RPGRIP1: variants seen among roughly 807,000 people sequenced by gnomAD.
RPGRIP1 encodes the protein RPGR interacting protein 1, also known as X-linked retinitis pigmentosa GTPase regulator-interacting protein 1.
In RPGRIP1, 128 loss-of-function variants were observed where a neutral mutation model predicts 157.9. That is an observed-to-expected ratio of 0.81 (90% CI 0.70 to 0.94). RPGRIP1 has a LOEUF of 0.94. Ranked by LOEUF, RPGRIP1 falls within the 40% of genes least tolerant of loss-of-function variation. The pLI is 0.00. For synonymous variants in RPGRIP1, 554 were observed against 571.6 expected (o/e 0.97, Z 0.44); for missense variants, 1,486 against 1,545.8 (o/e 0.96, Z 0.65).
chr14:21,315,229 T>C (rs2139181014), intron 10 of RPGRIP1, among the ~76,000 whole-genome samples: 2 of 151,896 alleles, frequency 1.3e-5, no homozygotes, highest in African/African-American at 4.8e-5. Context: ...AGTGCCAGGC[T>C]GTGCGCGGTG....
Position 21,300,817 on chromosome 14 carries a change from G to GA in RPGRIP1, c.219-148dup, listed in dbSNP as rs571149766. The GA allele has an allele frequency of 4.1e-3, 3,612 of 887,190 alleles. 13 individuals carry two copies. Among genetic ancestry groups the GA allele is most frequent in the Non-Finnish European group, 5.5e-3 (3,230 of 592,602 alleles). The allele number at this position is 887,190 out of a possible 1,614,324, so 55.0% of individuals were successfully genotyped here. ...CCTCAAAGAGTTACAGTGTACTGGG[G>GA]ACAGAAGGCTAATCTTTTTAAAGTG... On this transcript the variant is annotated intron_variant, in intron 3 of 24. Coordinates refer to ENST00000400017, the MANE Select transcript of RPGRIP1 (RefSeq NM_020366.4).
At position 21,335,046 on chromosome 14, in the gene RPGRIP1, C is replaced by CAAA. The variant is rs869065591; in HGVS notation, c.3339+364_3339+366dup. Among the ~76,000 whole-genome samples, 100 of 27,944 alleles carry CAAA rather than the reference C, an allele frequency of 3.6e-3. 2 individuals are homozygous for CAAA. Among genetic ancestry groups the CAAA allele is most frequent in the African/African-American group, 0.01 (81 of 7,908 alleles). The allele number at this position is 27,944 out of a possible 152,430, so 18.3% of individuals were successfully genotyped here. ...GGGCAACAAGAGCAAAACTCTGTCT[C>CAAA]AAAAAAAAAAAAAAAAAAAAAAAAA... On this transcript the variant is annotated intron_variant, in intron 21 of 24. Transcript: ENST00000400017.
At chr14:21,288,221 C>T (rs1479834712) in intron 2 of RPGRIP1, among the ~76,000 whole-genome samples, 160 bp downstream of exon 2, 1 of 148,470 alleles carries the variant, frequency 6.7e-6, no homozygotes, top group African/African-American at 2.5e-5. Flanking sequence ...CGCTCTGTCA[C>T]CCAGGCTGGA....
At chr14:21,282,437 T>C (rs1301510598) in intron 1 of RPGRIP1, among the ~76,000 whole-genome samples, 1 of 151,590 alleles carries the variant, frequency 6.6e-6, no homozygotes, top group African/African-American at 2.4e-5. Flanking sequence ...GGGGTTTCAC[T>C]ATGTTGACCA....
Position 21,311,905 on chromosome 14 carries a change from A to G in RPGRIP1, c.1012A>G (p.Lys338Glu), listed in dbSNP as rs766519169. The G allele has an allele frequency of 3.0e-5, 48 of 1,613,078 alleles. No individual in the cohort carries two copies. The highest frequency in any genetic ancestry group is 3.8e-5 in the Non-Finnish European group (45 of 1,179,596). ...CAGGGCAGAGCTGAAGGAAGAAAGCAAGAAGGCTGTGAGCTTGAAGAGCCA... is the reference window on the plus strand; with the variant it reads ...CAGGGCAGAGCTGAAGGAAGAAAGCGAGAAGGCTGTGAGCTTGAAGAGCCA... ...ELRAELKEES[K>E]KAVSLKSQLE... Residue 338 changes from lysine to glutamate, a missense_variant, in exon 9 of 25, where the codon AAG (lysine) becomes GAG (glutamate). Physicochemically the swap from Lys to Glu is moderately conservative, Grantham distance 56. Coordinates refer to ENST00000400017, the MANE Select transcript of RPGRIP1 (RefSeq NM_020366.4).
At chr14:21,312,983 C>T (rs1377566966) in intron 10 of RPGRIP1, among the ~76,000 whole-genome samples, 3 of 152,038 alleles carry the variant, frequency 2.0e-5, no homozygotes, top group African/African-American at 7.2e-5. Context: ...CAGGTGTGCA[C>T]TGCCACACCT....
chr14:21,335,583 C>T (rs569350541), intron 21 of RPGRIP1, among the ~76,000 whole-genome samples: 4 of 152,266 alleles, frequency 2.6e-5, no homozygotes, highest in South Asian at 2.1e-4. Context: ...GTAATCCCAG[C>T]GCTTTGGGAG....
At chr14:21,333,911 C>G (rs1302147221) in intron 20 of RPGRIP1, among the ~76,000 whole-genome samples, 1 of 149,622 alleles carries the variant, frequency 6.7e-6, no homozygotes, top group African/African-American at 2.5e-5. Flanking sequence ...TAGGAGAGAC[C>G]ATTTGAGGCC....
At chr14:21,324,425 G>T (rs1882828632) in intron 14 of RPGRIP1, 193 bp from the exon 15 acceptor site, 1 of 619,814 alleles carries the variant, frequency 1.6e-6, no homozygotes, top group Non-Finnish European at 2.9e-6. Context: ...GCTGGCATTG[G>T]ATTATTTGGC....
intron 1 of RPGRIP1, among the ~76,000 whole-genome samples, chr14:21,287,321 G>A (rs1221387184): frequency 1.3e-5 from 2 of 152,098 alleles, no homozygotes. Context: ...AAAAAGTGTT[G>A]GCCAGAGTAT....
At chr14:21,303,032 G>A (rs1273375941) in intron 5 of RPGRIP1, 2 of 291,596 alleles carry the variant, frequency 6.9e-6, no homozygotes, top group Admixed American at 4.9e-5. Context: ...ACCATGCCCA[G>A]CTAATTTTTG....
Position 21,301,103 on chromosome 14 carries a change from C to T in RPGRIP1, c.356C>T (p.Pro119Leu), listed in dbSNP as rs770129842. ...CAGCGCCTCTCCATGCACCAGCGCC[C>T]CCAGATGCACCGACTGCAAGGGCAT... Reference protein sequence around the residue: ...WRQRLSMHQRPQMHRLQGHFH... With the variant: ...WRQRLSMHQRLQMHRLQGHFH... Residue 119 changes from proline to leucine, a missense_variant, in exon 4 of 25, where the codon CCC (proline) becomes CTC (leucine). By Grantham distance (98) the Pro-to-Leu change is moderately conservative. Coordinates refer to ENST00000400017, the MANE Select transcript of RPGRIP1 (RefSeq NM_020366.4). 4 of 1,611,068 alleles carry T rather than the reference C, an allele frequency of 2.5e-6. No individual in the cohort carries two copies. Among genetic ancestry groups the T allele is most frequent in the Admixed American group, 3.4e-5 (2 of 59,414 alleles).
At chr14:21,284,554 T>TC (rs1880234992) in intron 1 of RPGRIP1, among the ~76,000 whole-genome samples, 1 of 150,628 alleles carries the variant, frequency 6.6e-6, no homozygotes, top group Non-Finnish European at 1.5e-5. Context: ...TTTTTTTTTT[T>TC]TTTTTTGAAG....
At chr14:21,318,084 A>T (rs1252526737) in intron 11 of RPGRIP1, 1 of 672,840 alleles carries the variant, frequency 1.5e-6, no homozygotes, top group Non-Finnish European at 2.7e-6. Flanking sequence ...CCATTTGAGA[A>T]GATGCTAGTT....
intron 14 of RPGRIP1, chr14:21,323,887 T>C (rs1255791998): frequency 5.8e-5 from 9 of 153,994 alleles, no homozygotes; most frequent in African/African-American, 2.2e-4. Context: ...CAGCACACTG[T>C]GTTGACTCAA....
intron 2 of RPGRIP1, among the ~76,000 whole-genome samples, chr14:21,294,039 C>T (rs1426017818): frequency 2.9e-5 from 3 of 104,680 alleles, no homozygotes; most frequent in Non-Finnish European, 3.6e-5. Flanking sequence ...GGTGACAGAG[C>T]GAGACCCTGT....
chr14:21,300,848 A>G, intron 3 of RPGRIP1, 118 bp from the exon 4 acceptor site: 1 of 1,198,116 alleles, frequency 8.3e-7, no homozygotes, highest in Non-Finnish European at 1.2e-6. Flanking sequence ...AAGTGTGGTT[A>G]ATAGATCACG....
At chr14:21,296,951 TA>T (rs34451423) in intron 3 of RPGRIP1, among the ~76,000 whole-genome samples, 8,595 of 115,910 alleles carry the variant, frequency 0.074, 702 homozygotes, top group African/African-American at 0.22. Flanking sequence ...AGACTCCATC[TA>T]AAAAAAAAAA....
chr14:21,284,832 G>A (rs1235297652), intron 1 of RPGRIP1, among the ~76,000 whole-genome samples: 5 of 152,006 alleles, frequency 3.3e-5, no homozygotes, highest in South Asian at 2.1e-4. Flanking sequence ...GAATACAGGC[G>A]TGAACCACTG....
Sources: gnomAD v4.1 joint callset for allele counts (sites outside exome capture counted in the v4.1 genomes callset) on GRCh38, gnomAD v4.1.1 for gene constraint, MANE v1.5 for transcripts, NCBI Gene and HGNC (gene_info 2026-07-23, HGNC 2026-07-21) for gene names.